B3GLCT: variants seen among roughly 807,000 people sequenced by gnomAD.
The protein encoded by B3GLCT is beta-1,3-glucosyltransferase.
In B3GLCT, 65 loss-of-function variants were observed where a neutral mutation model predicts 63.4. That is an observed-to-expected ratio of 1.03 (90% CI 0.84 to 1.26). B3GLCT has a LOEUF of 1.26. Among genes scored for constraint, B3GLCT ranks in the 50% most tolerant of loss-of-function variants. The probability of loss-of-function intolerance (pLI) is 0.00; values close to 1 mark genes in which losing one functional copy is unlikely to be tolerated. For missense variants in B3GLCT, 577 were observed against 604.8 expected, an observed-to-expected ratio of 0.95 and a Z score of 0.48; for synonymous variants, 233 against 219.2, an observed-to-expected ratio of 1.06 and a Z score of -0.55.
rs1191377971 is a variant in B3GLCT at position 31,331,492 on chromosome 13, G to A, written c.*1824G>A. ...ATATTTACTTTTTGGAATGGTGTAAGCCTAACCACAAGTAAAAGATCTTTG... is the reference window on the plus strand; with the variant it reads ...ATATTTACTTTTTGGAATGGTGTAAACCTAACCACAAGTAAAAGATCTTTG... On this transcript the variant is annotated 3_prime_UTR_variant, in exon 15 of 15. Transcript: ENST00000343307. The A allele has an allele frequency of 2.0e-5, 3 of 150,256 alleles. No homozygotes were observed. The highest frequency in any genetic ancestry group is 4.4e-5 in the Non-Finnish European group (3 of 67,928). The allele number at this position is 150,256 out of a possible 1,614,324, so 9.3% of individuals were successfully genotyped here. A position where few individuals can be genotyped will look rare whatever the true frequency, so the allele number is the denominator to read the frequency against.
At chr13:31,261,719 C>T (rs1410803121) in intron 7 of B3GLCT, among the ~76,000 whole-genome samples, 2 of 152,108 alleles carry the variant, frequency 1.3e-5, no homozygotes, top group Non-Finnish European at 2.9e-5. Context: ...TGATAAAGCA[C>T]TTGTGGCTTT....
At chr13:31,208,239 A>G (rs1869066209) in intron 1 of B3GLCT, among the ~76,000 whole-genome samples, 1 of 152,024 alleles carries the variant, frequency 6.6e-6, no homozygotes, top group South Asian at 2.1e-4. Flanking sequence ...CTTTGAAAGG[A>G]TTCATTAAAC....
chr13:31,285,330 G>A (rs1207578117), intron 11 of B3GLCT, among the ~76,000 whole-genome samples: 2 of 151,810 alleles, frequency 1.3e-5, no homozygotes, highest in African/African-American at 2.4e-5. Context: ...GAAGAGGGGC[G>A]AGGGATGAGA....
chr13:31,320,503 G>A (rs1297026082), intron 13 of B3GLCT, among the ~76,000 whole-genome samples: 2 of 152,070 alleles, frequency 1.3e-5, no homozygotes, highest in Non-Finnish European at 2.9e-5. Flanking sequence ...ATTCATCTAG[G>A]CTTCGTGTCA....
At chr13:31,278,506 G>T (rs1872904625) in intron 10 of B3GLCT, among the ~76,000 whole-genome samples, 1 of 152,068 alleles carries the variant, frequency 6.6e-6, no homozygotes, top group South Asian at 2.1e-4. Context: ...TTGAATCTGG[G>T]ATCATTAAAG....
At chr13:31,261,184 T>G in intron 7 of B3GLCT, 102 bp downstream of exon 7, 3 of 1,376,092 alleles carry the variant, frequency 2.2e-6, no homozygotes, top group Non-Finnish European at 3.0e-6. Flanking sequence ...TCAAATGAGT[T>G]TTTCAGCCAG....
intron 2 of B3GLCT, among the ~76,000 whole-genome samples, chr13:31,221,573 C>T (rs1293777540): frequency 6.6e-6 from 1 of 152,212 alleles, no homozygotes; most frequent in Non-Finnish European, 1.5e-5. Flanking sequence ...AGGTTCTCCT[C>T]TACTCAGTGG....
intron 1 of B3GLCT, among the ~76,000 whole-genome samples, chr13:31,213,621 A>AT (rs1264368259): frequency 1.8e-5 from 1 of 55,014 alleles, no homozygotes; most frequent in Non-Finnish European, 3.2e-5. Context: ...CCCCCACCCC[A>AT]CCCCCCCCCC....
chr13:31,211,789 C>A (rs1177074094), intron 1 of B3GLCT, among the ~76,000 whole-genome samples: 1 of 152,276 alleles, frequency 6.6e-6, no homozygotes, highest in East Asian at 1.9e-4. Context: ...ACAGTTACAT[C>A]ATCAAATATT....
At chr13:31,287,503 C>G (rs375345135) in intron 12 of B3GLCT, among the ~76,000 whole-genome samples, 30 of 152,034 alleles carry the variant, frequency 2.0e-4, no homozygotes, top group African/African-American at 7.0e-4. Flanking sequence ...CAAGAAAATA[C>G]AAGAAAATGA....
At chr13:31,239,670 G>A (rs910458096) in intron 4 of B3GLCT, among the ~76,000 whole-genome samples, 1 of 149,972 alleles carries the variant, frequency 6.7e-6, no homozygotes, top group African/African-American at 2.5e-5. Context: ...TGATGGCAAA[G>A]CTGTCACCTG....
chr13:31,285,666 C>G (rs1873292003), intron 11 of B3GLCT, among the ~76,000 whole-genome samples: 1 of 138,956 alleles, frequency 7.2e-6, no homozygotes, highest in Admixed American at 7.4e-5. Context: ...AGTAATTTAT[C>G]TTATTTTATG....
chr13:31,304,504 C>G lies in B3GLCT; in HGVS notation c.1065-13062C>G, dbSNP rs953542454. ...GAAGATCTACCAAGCCAATGGAAAA[C>G]AAAAAAAGGCAGGGGTTGCAATCCT... is the stretch of plus-strand genomic sequence containing the variant. On this transcript the variant is annotated intron_variant, in intron 12 of 14. Transcript: ENST00000343307. Among the ~76,000 whole-genome samples, 13 of 74,430 alleles carry G rather than the reference C, an allele frequency of 1.7e-4. No individual in the cohort carries two copies. In the South Asian group the frequency reaches 2.8e-3, roughly 16 times the overall value. 48.8% of individuals were successfully genotyped at this position (74,430 alleles called of 152,430 possible). A position where few individuals can be genotyped will look rare whatever the true frequency, so the allele number is the denominator to read the frequency against.
At chr13:31,324,866 G>A (rs1469228567) in intron 14 of B3GLCT, among the ~76,000 whole-genome samples, 3 of 152,028 alleles carry the variant, frequency 2.0e-5, no homozygotes, top group Non-Finnish European at 2.9e-5. Flanking sequence ...CGCCATGCCT[G>A]GCTAATTTTT....
chr13:31,238,560 G>A lies in B3GLCT; in HGVS notation c.271-8463G>A, dbSNP rs529195772. Among the ~76,000 whole-genome samples, 94 of 152,290 alleles carry A rather than the reference G, an allele frequency of 6.2e-4. 1 individual carries two copies. Among genetic ancestry groups the A allele is most frequent in the Middle Eastern group, 3.4e-3 (1 of 294 alleles). ...ATTAGAAAGGAATTTAGTAGAATGC[G>A]TATTCTCGTTTTTATAAAGTAGATG... On this transcript the variant is annotated intron_variant, in intron 4 of 14. Transcript: ENST00000343307.
intron 4 of B3GLCT, among the ~76,000 whole-genome samples, chr13:31,240,299 G>A (rs1473390457): frequency 6.6e-6 from 1 of 152,120 alleles, no homozygotes; most frequent in Non-Finnish European, 1.5e-5. Flanking sequence ...TGTAGCTTTT[G>A]AAGAGAACTG....
In B3GLCT at chr13:31,317,546, T is replaced by C; in HGVS notation, c.1065-20T>C. 6.2e-7 allele frequency: 1 copy of C among 1,613,820 alleles called. No homozygotes were observed. The highest frequency in any genetic ancestry group is 1.7e-5 in the Admixed American group (1 of 60,024). Reference sequence around the variant, plus strand: ...GTTTGAATCAAATAATCATGATTTGTGTTCCCTTTGGCATCTCAGTATCTC... The same window carrying C: ...GTTTGAATCAAATAATCATGATTTGCGTTCCCTTTGGCATCTCAGTATCTC... On this transcript the variant is annotated intron_variant, in intron 12 of 14. Coordinates refer to ENST00000343307, the MANE Select transcript of B3GLCT (RefSeq NM_194318.4).
intron 10 of B3GLCT, among the ~76,000 whole-genome samples, chr13:31,277,520 A>C (rs1457270898): frequency 2.0e-5 from 3 of 152,038 alleles, no homozygotes; most frequent in Non-Finnish European, 2.9e-5. Context: ...TGCGTATTTT[A>C]ATTTTTTTCC....
chr13:31,206,705 C>G (rs1462105997), intron 1 of B3GLCT, among the ~76,000 whole-genome samples: 2 of 152,084 alleles, frequency 1.3e-5, no homozygotes, highest in East Asian at 3.9e-4. Flanking sequence ...CCATTGCACT[C>G]CAGCCCGGGC....
Sources: gnomAD v4.1 joint callset for allele counts (sites outside exome capture counted in the v4.1 genomes callset) on GRCh38, gnomAD v4.1.1 for gene constraint, MANE v1.5 for transcripts, NCBI Gene and HGNC (gene_info 2026-07-23, HGNC 2026-07-21) for gene names.